SEMA5A: variants seen among roughly 807,000 people sequenced by gnomAD.
SEMA5A encodes the protein semaphorin-5A.
In SEMA5A, 55 loss-of-function variants were observed where a neutral mutation model predicts 135.5. That is an observed-to-expected ratio of 0.41 (90% confidence interval 0.33 to 0.51). The LOEUF (loss-of-function observed/expected upper bound fraction) is 0.51. SEMA5A is among the 20% of genes least tolerant of loss of function. The pLI is 0.37. For missense variants in SEMA5A, 1,290 were observed against 1,419.9 expected, an observed-to-expected ratio of 0.91 and a Z score of 1.47; for synonymous variants, 580 against 546.5, an observed-to-expected ratio of 1.06 and a Z score of -0.85.
intron 16 of SEMA5A, among the ~76,000 whole-genome samples, chr5:9,104,437 A>T (rs1193879846): frequency 2.0e-5 from 3 of 152,194 alleles, no homozygotes; most frequent in Non-Finnish European, 2.9e-5. Context: ...GTAAGTTGGG[A>T]TTTGCAAGTC....
chr5:9,458,084 T>G (rs1199486940), intron 1 of SEMA5A, among the ~76,000 whole-genome samples: 1 of 152,070 alleles, frequency 6.6e-6, no homozygotes, highest in Admixed American at 6.5e-5. Flanking sequence ...ATTTTTTGTA[T>G]TTTTAGTAGA....
intron 21 of SEMA5A, 136 bp from the exon 22 acceptor site, chr5:9,044,720 T>C (rs1289114853): frequency 4.4e-6 from 3 of 683,836 alleles, no homozygotes; most frequent in Non-Finnish European, 7.4e-6. Context: ...TTATCATTCT[T>C]AAGAGTCTTT....
At chr5:9,197,854 G>A (rs532563837) in intron 9 of SEMA5A, among the ~76,000 whole-genome samples, 5 of 151,768 alleles carry the variant, frequency 3.3e-5, no homozygotes, top group African/African-American at 1.2e-4. Context: ...TATAAAAAGT[G>A]ACTGTCTGAC....
chr5:9,445,371 T>TAA (rs879618323), intron 1 of SEMA5A, among the ~76,000 whole-genome samples: 2 of 144,016 alleles, frequency 1.4e-5, no homozygotes. Flanking sequence ...CTCGTGCCAT[T>TAA]AAAAAAAAAA....
In SEMA5A at chr5:9,197,288, G is replaced by A. The variant is rs1167900054; in HGVS notation, c.948C>T (p.Ala316=). The A allele has an allele frequency of 1.2e-6, 2 of 1,613,110 alleles. No individual in the cohort carries two copies. The highest frequency in any genetic ancestry group is 8.5e-7 in the Non-Finnish European group (1 of 1,179,814). ...IFTTNVNSIA[A]SAVCVFNLSA... ...TCAGGTTGAAGACGCACACAGCTGA[G>A]GCCGCAATGCTGTTCCTGGGAGCGG... Residue 316 remains alanine, a synonymous_variant, in exon 10 of 23, where the codon GCC becomes GCT. Transcript: ENST00000382496.
chr5:9,276,720 C>T (rs1477872085), intron 5 of SEMA5A, among the ~76,000 whole-genome samples: 1 of 152,142 alleles, frequency 6.6e-6, no homozygotes, highest in African/African-American at 2.4e-5. Context: ...GAAAGGATTC[C>T]CTCTTTAATA....
chr5:9,515,602 C>A (rs1462308477), intron 1 of SEMA5A, among the ~76,000 whole-genome samples: 1 of 152,120 alleles, frequency 6.6e-6, no homozygotes, highest in Non-Finnish European at 1.5e-5. Flanking sequence ...CAGCTGCTAA[C>A]AAATGACAGA....
chr5:9,170,680 C>T (rs192799963), intron 11 of SEMA5A, among the ~76,000 whole-genome samples: 1 of 152,180 alleles, frequency 6.6e-6, no homozygotes, highest in East Asian at 1.9e-4. Context: ...AATTATAAGC[C>T]AGAAAAGGGT....
chr5:9,045,453 T>A (rs1479385410), intron 21 of SEMA5A, among the ~76,000 whole-genome samples: 1 of 152,226 alleles, frequency 6.6e-6, no homozygotes, highest in Non-Finnish European at 1.5e-5. Flanking sequence ...TTTTTGAGTA[T>A]GAATATGCAC....
chr5:9,426,439 A>ATAACATAACATAACATAACATAACATAAC (rs1561243591), intron 2 of SEMA5A, among the ~76,000 whole-genome samples: 14 of 141,534 alleles, frequency 9.9e-5, no homozygotes, highest in African/African-American at 3.4e-4. Flanking sequence ...AAATAAATAA[A>ATAACATAACATAACATAACATAACATAAC]ATAAAATAAA....
intron 2 of SEMA5A, among the ~76,000 whole-genome samples, chr5:9,387,506 T>C (rs1483136472): frequency 6.6e-6 from 1 of 152,152 alleles, no homozygotes; most frequent in African/African-American, 2.4e-5. Flanking sequence ...GAAGAAATCC[T>C]CCTGAATGGG....
intron 12 of SEMA5A, among the ~76,000 whole-genome samples, chr5:9,150,954 C>T (rs1040672809): frequency 1.1e-4 from 16 of 152,200 alleles, no homozygotes; most frequent in South Asian, 6.2e-4. Flanking sequence ...CTCGTTGTAC[C>T]GGGGCAGCAG....
At chr5:9,115,765 T>G (rs1337326460) in intron 15 of SEMA5A, among the ~76,000 whole-genome samples, 3 of 152,142 alleles carry the variant, frequency 2.0e-5, no homozygotes, top group Non-Finnish European at 2.9e-5. Flanking sequence ...GACTCTATGG[T>G]GGCCCTAGTG....
chr5:9,069,129 C>T (rs1737636716), intron 16 of SEMA5A, among the ~76,000 whole-genome samples: 1 of 152,160 alleles, frequency 6.6e-6, no homozygotes, highest in South Asian at 2.1e-4. Flanking sequence ...GTTCAGATTC[C>T]CCCAAGGAAG....
rs1741368170 is a variant in SEMA5A at position 9,130,819 on chromosome 5, C to G, written c.1599+5685G>C. 2.0e-5 allele frequency among the ~76,000 whole-genome samples: 3 copies of G among 152,306 alleles called. No homozygotes were observed. In the South Asian group the frequency reaches 6.2e-4, roughly 32 times the overall value. On this transcript the variant is annotated intron_variant, in intron 13 of 22. Coordinates refer to ENST00000382496, the MANE Select transcript of SEMA5A (RefSeq NM_003966.3). ...CCCTGCTTTGGAAAGACGTTGAGAG[C>G]TTAGAAGGGCATTATCCTGAAGATT...
At chr5:9,426,164 G>A (rs893870217) in intron 2 of SEMA5A, among the ~76,000 whole-genome samples, 4 of 152,094 alleles carry the variant, frequency 2.6e-5, no homozygotes, top group African/African-American at 7.2e-5. Context: ...GTGGCCGGGC[G>A]CAGTGGCTCA....
chr5:9,152,924 T>C (rs1252595164), intron 12 of SEMA5A, among the ~76,000 whole-genome samples: 1 of 151,964 alleles, frequency 6.6e-6, no homozygotes, highest in East Asian at 1.9e-4. Flanking sequence ...ATACAAAAAT[T>C]AGCTGGGCAT....
chr5:9,097,654 C>T, intron 16 of SEMA5A, among the ~76,000 whole-genome samples: 1 of 152,162 alleles, frequency 6.6e-6, no homozygotes. Flanking sequence ...ATCAATTAGA[C>T]CCACAGGTTT....
intron 1 of SEMA5A, among the ~76,000 whole-genome samples, chr5:9,455,548 G>T (rs888971210): frequency 1.5e-4 from 23 of 152,210 alleles, no homozygotes; most frequent in African/African-American, 5.5e-4. Context: ...GAGCCACCGC[G>T]CCCAGCCGCA....
Sources: gnomAD v4.1 joint callset for allele counts (sites outside exome capture counted in the v4.1 genomes callset) on GRCh38, gnomAD v4.1.1 for gene constraint, MANE v1.5 for transcripts, NCBI Gene and HGNC (gene_info 2026-07-23, HGNC 2026-07-21) for gene names.